The following TRAPPC9 variants were observed in gnomAD, a reference collection of about 807,000 sequenced individuals.
TRAPPC9 encodes trafficking protein particle complex subunit 9.
TRAPPC9 carries 83 observed loss-of-function variants against 124.0 expected under a neutral mutation model. The observed-to-expected ratio is 0.67, with a 90% CI of 0.56 to 0.80. The LOEUF (loss-of-function observed/expected upper bound fraction) is 0.80. Ranked by LOEUF, TRAPPC9 falls within the 30% of genes least tolerant of loss-of-function variation. TRAPPC9 has a pLI of 0.00. For synonymous variants in TRAPPC9, 638 were observed against 617.5 expected, an observed-to-expected ratio of 1.03 and a Z score of -0.49; for missense variants, 1,302 against 1,508.3, an observed-to-expected ratio of 0.86 and a Z score of 2.27.
At chr8:140,447,667 T>A (rs1588375273) in intron 2 of TRAPPC9, among the ~76,000 whole-genome samples, 1 of 152,102 alleles carries the variant, frequency 6.6e-6, no homozygotes, top group South Asian at 2.1e-4. Context: ...GTCCCGAAGG[T>A]AGAATGACCT....
At chr8:140,301,449 G>C (rs752778250) in intron 10 of TRAPPC9, among the ~76,000 whole-genome samples, 3 of 152,316 alleles carry the variant, frequency 2.0e-5, no homozygotes, top group South Asian at 4.1e-4. Context: ...GGAAACTCAC[G>C]CAAGAGGGAC....
At chr8:140,048,262 G>A (rs1232592006) in intron 17 of TRAPPC9, among the ~76,000 whole-genome samples, 1 of 152,198 alleles carries the variant, frequency 6.6e-6, no homozygotes, top group Non-Finnish European at 1.5e-5. Flanking sequence ...TATGCAACGT[G>A]TCCAATCAAT....
At chr8:140,273,085 G>A (rs2065008544) in intron 15 of TRAPPC9, among the ~76,000 whole-genome samples, 1 of 152,166 alleles carries the variant, frequency 6.6e-6, no homozygotes, top group Non-Finnish European at 1.5e-5. Context: ...CAGAACAGTA[G>A]GGCCAGACAG....
chr8:139,850,857 A>T lies in TRAPPC9; in HGVS notation c.3055+35022T>A, dbSNP rs184375033. On this transcript the variant is annotated intron_variant, in intron 21 of 22. Transcript: ENST00000438773. ...TCAGCCCCCATCCACCTTCCCAAAA[A>T]TCACTTAATGAAGTCCTACCACACA... is the stretch of plus-strand genomic sequence containing the variant. Among the ~76,000 whole-genome samples the T allele has an allele frequency of 2.9e-3, 441 of 152,260 alleles. 3 individuals are homozygous for T. Among genetic ancestry groups the T allele is most frequent in the African/African-American group, 0.01 (434 of 41,540 alleles).
rs1031240067 is a variant in TRAPPC9 at position 139,731,908 on chromosome 8, C to T, written c.3279+71G>A. The T allele has an allele frequency of 1.6e-5, 23 of 1,431,948 alleles. No individual in the cohort carries two copies. The African/African-American group carries it at 2.1e-4, about 13-fold the overall frequency. 88.7% of individuals were successfully genotyped at this position (1,431,948 alleles called of 1,614,324 possible). ...GGACATATGCTGACCCCAAAGCCCACCACCCAGGGAAGGGGGGATGATGAC... is the reference window on the plus strand; with the variant it reads ...GGACATATGCTGACCCCAAAGCCCATCACCCAGGGAAGGGGGGATGATGAC... On this transcript the variant is annotated intron_variant, in intron 22 of 22. Transcript: ENST00000438773.
chr8:140,314,101 AG>A (rs1275317898), intron 9 of TRAPPC9, among the ~76,000 whole-genome samples: 1 of 152,220 alleles, frequency 6.6e-6, no homozygotes, highest in African/African-American at 2.4e-5. Flanking sequence ...TTTATAAGGA[AG>A]GATTTTTTCC....
At chr8:139,755,896 G>C (rs1157491661) in intron 21 of TRAPPC9, among the ~76,000 whole-genome samples, 1 of 139,056 alleles carries the variant, frequency 7.2e-6, no homozygotes, top group Admixed American at 7.0e-5. Flanking sequence ...TTGGGGATGA[G>C]GACAGTGTGT....
chr8:139,887,902 A>G (rs999189166), intron 20 of TRAPPC9, among the ~76,000 whole-genome samples: 1 of 152,208 alleles, frequency 6.6e-6, no homozygotes, highest in Non-Finnish European at 1.5e-5. Context: ...CCCAGGTAGG[A>G]GTGCAGAGGC....
At chr8:140,193,306 G>A (rs1310081767) in intron 17 of TRAPPC9, among the ~76,000 whole-genome samples, 1 of 152,138 alleles carries the variant, frequency 6.6e-6, no homozygotes, top group Non-Finnish European at 1.5e-5. Context: ...TACACACTTA[G>A]AACTAAGGCC....
rs1015014517 is a variant in TRAPPC9, at chr8:139,742,034, C to T, written c.3056-9832G>A. 6.6e-6 allele frequency among the ~76,000 whole-genome samples: 1 copy of T among 152,218 alleles called. No individual in the cohort carries two copies. ...GGTTATTATTTCTCATGGGTGTACA[C>T]CTGACAGCAGACTTGCTGGGTCAAA... On this transcript the variant is annotated intron_variant, in intron 21 of 22. Coordinates refer to ENST00000438773, the MANE Select transcript of TRAPPC9 (RefSeq NM_001160372.4). This position sits in a 1 kb window ranked among gnomAD's most constrained non-coding sequence, Gnocchi z 4.7.
chr8:140,163,500 G>C (rs1233742128), intron 17 of TRAPPC9, among the ~76,000 whole-genome samples: 1 of 152,160 alleles, frequency 6.6e-6, no homozygotes, highest in African/African-American at 2.4e-5. Flanking sequence ...TCTGAGTGCC[G>C]AATGAAATAA....
chr8:140,294,218 C>A (rs1259930884), intron 11 of TRAPPC9, among the ~76,000 whole-genome samples: 1 of 152,122 alleles, frequency 6.6e-6, no homozygotes, highest in African/African-American at 2.4e-5. Context: ...CCATGCCCCC[C>A]ACCTCCCAGG....
chr8:139,835,015 G>A (rs996668016), intron 21 of TRAPPC9, among the ~76,000 whole-genome samples: 3 of 152,194 alleles, frequency 2.0e-5, no homozygotes, highest in Admixed American at 6.5e-5. Context: ...AAGCCCAGAT[G>A]CCAAAGGTGA....
chr8:140,334,343 C>G (rs907046812), intron 9 of TRAPPC9, among the ~76,000 whole-genome samples: 3 of 151,614 alleles, frequency 2.0e-5, no homozygotes, highest in Non-Finnish European at 2.9e-5. Flanking sequence ...TTGAGAAAGG[C>G]AATGTGAAAT....
chr8:139,753,476 C>G (rs183002844), intron 21 of TRAPPC9, among the ~76,000 whole-genome samples: 48 of 152,344 alleles, frequency 3.2e-4, no homozygotes, highest in African/African-American at 1.1e-3. Context: ...TTCCCAATAG[C>G]CGTTCATGCG....
chr8:140,179,950 T>C (rs1398639650), intron 17 of TRAPPC9, among the ~76,000 whole-genome samples: 2 of 150,508 alleles, frequency 1.3e-5, no homozygotes, highest in Admixed American at 1.3e-4. Flanking sequence ...TATGTTTTTA[T>C]ATTTAAATGA....
At chr8:140,147,976 T>G (rs1339994253) in intron 17 of TRAPPC9, among the ~76,000 whole-genome samples, 1 of 152,212 alleles carries the variant, frequency 6.6e-6, no homozygotes, top group African/African-American at 2.4e-5. Flanking sequence ...GCACTTATTC[T>G]CCTGCTCGAG....
intron 10 of TRAPPC9, among the ~76,000 whole-genome samples, chr8:140,309,875 C>T (rs1032262531): frequency 6.6e-6 from 1 of 152,202 alleles, no homozygotes; most frequent in Non-Finnish European, 1.5e-5. Flanking sequence ...GGAGCAGCCA[C>T]AGCACCTTCT....
At chr8:140,410,552 C>CA (rs1050359988) in intron 5 of TRAPPC9, among the ~76,000 whole-genome samples, 14 of 149,538 alleles carry the variant, frequency 9.4e-5, no homozygotes, top group East Asian at 7.9e-4. Flanking sequence ...AAAACAACAA[C>CA]AAAAAAAAAG....
Sources: allele counts gnomAD v4.1 joint callset (sites outside exome capture counted in the v4.1 genomes callset), GRCh38; gene constraint gnomAD v4.1.1; non-coding constraint Gnocchi (gnomAD v3.1); transcripts MANE v1.5; gene names NCBI Gene and HGNC (gene_info 2026-07-23, HGNC 2026-07-21).